Variants in RGS7 observed in about 807,000 individuals in gnomAD.
RGS7 encodes regulator of G protein signaling 7, also known as regulator of G-protein signaling 7.
RGS7 carries 27 observed loss-of-function variants against 81.1 expected under a neutral mutation model. The observed-to-expected ratio is 0.33, with a 90% CI of 0.25 to 0.46. The LOEUF is 0.46. Ranked by LOEUF, RGS7 falls within the 20% of genes least tolerant of loss-of-function variation. The pLI, the probability that RGS7 is intolerant of heterozygous loss-of-function variation, is 1.00. For missense variants in RGS7, 396 were observed against 607.4 expected (o/e 0.65, Z 3.66); for synonymous variants, 208 against 207.7 (o/e 1.00, Z -0.01).
At chr1:240,966,611 T>C (rs190706955) in intron 4 of RGS7, among the ~76,000 whole-genome samples, 18 of 152,198 alleles carry the variant, frequency 1.2e-4, no homozygotes. Context: ...GCAGCCTGTT[T>C]AGGCTGATTC....
chr1:240,787,769 A>AACTAAAG, intron 18 of RGS7, among the ~76,000 whole-genome samples: 1 of 152,216 alleles, frequency 6.6e-6, no homozygotes, highest in Non-Finnish European at 1.5e-5. Flanking sequence ...ACTAAAGTGA[A>AACTAAAG]TAAGTAAACA....
chr1:241,187,569 T>C (rs1468134301), intron 2 of RGS7, among the ~76,000 whole-genome samples: 1 of 152,220 alleles, frequency 6.6e-6, no homozygotes, highest in Non-Finnish European at 1.5e-5. Context: ...GTCTCAGCTC[T>C]ATATGCAGTA....
chr1:240,787,556 TG>T (rs1378500948), intron 18 of RGS7, among the ~76,000 whole-genome samples: 1 of 152,250 alleles, frequency 6.6e-6, no homozygotes, highest in Non-Finnish European at 1.5e-5. Flanking sequence ...TCTTCCTCCC[TG>T]TTCCTTATGG....
At chr1:240,976,510 G>A (rs541882834) in intron 4 of RGS7, among the ~76,000 whole-genome samples, 4 of 152,188 alleles carry the variant, frequency 2.6e-5, no homozygotes, top group Non-Finnish European at 4.4e-5. Flanking sequence ...AGTAGACTTT[G>A]AGTAAAGCAG....
At chr1:241,100,599 T>C (rs76124489) in intron 2 of RGS7, among the ~76,000 whole-genome samples, 3,274 of 152,296 alleles carry the variant, frequency 0.021, 60 homozygotes, top group Non-Finnish European at 0.033. Context: ...TCTATGTTCT[T>C]TGAGTAAGTT....
At chr1:240,954,044 T>C (rs1235001516) in intron 4 of RGS7, among the ~76,000 whole-genome samples, 1 of 152,014 alleles carries the variant, frequency 6.6e-6, no homozygotes, top group African/African-American at 2.4e-5. Context: ...CCATCAAAAC[T>C]TGCATAAGAT....
At chr1:241,249,787 A>G (rs2076739723) in intron 2 of RGS7, among the ~76,000 whole-genome samples, 1 of 152,198 alleles carries the variant, frequency 6.6e-6, no homozygotes, top group Non-Finnish European at 1.5e-5. Context: ...GGATGCTTCT[A>G]GTACTGCTGC....
intron 2 of RGS7, among the ~76,000 whole-genome samples, chr1:241,127,882 T>C (rs2066782628): frequency 6.6e-6 from 1 of 152,056 alleles, no homozygotes; most frequent in African/African-American, 2.4e-5. Context: ...ATGATAAATT[T>C]CAACCAAAAA....
chr1:241,218,745 C>T (rs770413031), intron 2 of RGS7, among the ~76,000 whole-genome samples: 5 of 152,122 alleles, frequency 3.3e-5, no homozygotes, highest in Non-Finnish European at 5.9e-5. Context: ...CCCAGGTTCA[C>T]GTGATTCTCC....
In RGS7 at chr1:241,006,807, C is replaced by T. The variant is rs545921612; in HGVS notation, c.176-23678G>A. Among the ~76,000 whole-genome samples, 10 of 152,286 alleles carry T rather than the reference C, an allele frequency of 6.6e-5. No individual in the cohort carries two copies. The East Asian group carries it at 1.9e-3, about 29-fold the overall frequency. The stretch of plus-strand genomic sequence containing the variant: ...CCACGAAAGATAGCAAGACCAACCC[C>T]TCCTCTTCATCCTCCTCCTCAGCCT... On this transcript the variant is annotated intron_variant, in intron 3 of 18. Transcript: ENST00000440928.
intron 4 of RGS7, among the ~76,000 whole-genome samples, chr1:240,973,258 G>A (rs543880457): frequency 3.9e-5 from 6 of 152,204 alleles, no homozygotes; most frequent in African/African-American, 7.2e-5. Context: ...CATGGCTCAC[G>A]CCTGTATTCC....
chr1:241,047,724 T>C (rs1185066367), intron 3 of RGS7, among the ~76,000 whole-genome samples: 1 of 150,612 alleles, frequency 6.6e-6, no homozygotes, highest in Non-Finnish European at 1.5e-5. Context: ...CAAATAATTG[T>C]TTACAATCCT....
intron 3 of RGS7, among the ~76,000 whole-genome samples, chr1:241,037,088 A>G (rs527817527): frequency 7.7e-4 from 118 of 152,328 alleles, no homozygotes; most frequent in Non-Finnish European, 1.4e-3. Flanking sequence ...TATCTGTTAA[A>G]GTAGCTAAGG....
intron 3 of RGS7, among the ~76,000 whole-genome samples, chr1:241,066,440 C>T (rs1485183914): frequency 1.3e-5 from 2 of 152,196 alleles, no homozygotes; most frequent in African/African-American, 4.8e-5. Context: ...TCGTTAAATG[C>T]TTAGTTGAAG....
chr1:241,288,928 C>T (rs1295970692), intron 2 of RGS7, among the ~76,000 whole-genome samples: 1 of 152,162 alleles, frequency 6.6e-6, no homozygotes, highest in Non-Finnish European at 1.5e-5. Flanking sequence ...CACAAGGATC[C>T]CTCCCAGTGA....
intron 6 of RGS7, among the ~76,000 whole-genome samples, chr1:240,906,353 G>C (rs372449735): frequency 1.4e-4 from 22 of 152,246 alleles, no homozygotes; most frequent in South Asian, 8.3e-4. Flanking sequence ...AAAGTAGTGT[G>C]CTGGTGACTC....
Position 240,800,695 on chromosome 1 carries a change from G to A in RGS7, c.1440C>T (p.Cys480=). Residue 480 remains cysteine, a synonymous_variant, in exon 18 of 19, where the codon TGC becomes TGT. Coordinates refer to ENST00000440928, the MANE Select transcript of RGS7 (RefSeq NM_001364886.1). ...NVGRNIPIFP[C]HKNCTPTLRA... ...TCAGTGTTGGTGTACAGTTTTTATG[G>A]CATGGGAAAATAGGGATGTTTCTGC... 1.3e-6 allele frequency: 2 copies of A among 1,546,800 alleles called. No individual in the cohort carries two copies. Among genetic ancestry groups the A allele is most frequent in the Non-Finnish European group, 1.7e-6 (2 of 1,144,054 alleles).
At chr1:241,235,770 C>T (rs1422688409) in intron 2 of RGS7, among the ~76,000 whole-genome samples, 4 of 150,730 alleles carry the variant, frequency 2.7e-5, no homozygotes, top group Non-Finnish European at 5.9e-5. Flanking sequence ...CACTCCTTTC[C>T]ACCATTATTT....
intron 2 of RGS7, among the ~76,000 whole-genome samples, chr1:241,301,004 T>C (rs1278799494): frequency 2.0e-5 from 3 of 152,234 alleles, no homozygotes; most frequent in African/African-American, 7.2e-5. Context: ...AATTCCCTAG[T>C]GAGATATATG....
Sources: gnomAD v4.1 joint callset for allele counts (sites outside exome capture counted in the v4.1 genomes callset) on GRCh38, gnomAD v4.1.1 for gene constraint, MANE v1.5 for transcripts, NCBI Gene and HGNC (gene_info 2026-07-23, HGNC 2026-07-21) for gene names.